The following SMIM14 variants were observed in gnomAD, a reference collection of about 807,000 sequenced individuals.
SMIM14 encodes small integral membrane protein 14.
A neutral mutation model predicts 12.6 loss-of-function variants in SMIM14; 5 were observed. The ratio of observed to expected loss-of-function variants is 0.40; its 90% CI spans 0.21 to 0.83. SMIM14 has a LOEUF of 0.83. SMIM14 is among the 40% of genes least tolerant of loss of function. The pLI, the probability that SMIM14 is intolerant of heterozygous loss-of-function variation, is 0.37. For synonymous variants in SMIM14, 30 were observed against 40.1 expected (o/e 0.75, Z 0.95); for missense variants, 86 against 119.1 (o/e 0.72, Z 1.29).
rs760993011 is a variant in SMIM14 at position 39,605,053 on chromosome 4, T to C, written c.75+18A>G. The C allele has an allele frequency of 4.1e-6, 6 of 1,464,206 alleles. No individual in the cohort carries two copies. The highest frequency in any genetic ancestry group is 1.7e-4 in the Middle Eastern group (1 of 5,800). The allele number at this position is 1,464,206 out of a possible 1,614,324, so 90.7% of individuals were successfully genotyped here. On this transcript the variant is annotated intron_variant, in intron 2 of 4. Transcript: ENST00000295958. ...GATACAGATCAGTTCAGAATAGGAT[T>C]GTCCTGTTGCATCTCACCAGATTGA...
chr4:39,627,941 C>T (rs999964279), intron 1 of SMIM14, among the ~76,000 whole-genome samples: 4 of 152,100 alleles, frequency 2.6e-5, no homozygotes, highest in Admixed American at 2.6e-4. Flanking sequence ...AATTTGAAAA[C>T]GTTTTCTAAA....
At position 39,619,612 on chromosome 4, in the gene SMIM14, C is replaced by A. The variant is rs1475652727; in HGVS notation, c.-35-14432G>T. 6.5e-5 allele frequency among the ~76,000 whole-genome samples: 5 copies of A among 76,714 alleles called. No individual in the cohort carries two copies. In the Admixed American group the frequency reaches 7.7e-4, roughly 12 times the overall value. The allele number at this position is 76,714 out of a possible 152,430, so 50.3% of individuals were successfully genotyped here. On this transcript the variant is annotated intron_variant, in intron 1 of 4. Transcript: ENST00000295958. Reference sequence around the variant, plus strand: ...AATAAATATAATTTATTCTATATATCAATAAATATAATTTATTCTATATAT... The same window carrying A: ...AATAAATATAATTTATTCTATATATAAATAAATATAATTTATTCTATATAT...
In SMIM14 at chr4:39,572,124, T is replaced by C. The variant is rs986198346; in HGVS notation, c.124+291A>G. On this transcript the variant is annotated intron_variant, in intron 3 of 4. Coordinates refer to ENST00000295958, the MANE Select transcript of SMIM14 (RefSeq NM_174921.3). ...CAGCCTTTTTTTTTCCTTATACTTA[T>C]TTTATAATGTTCTGCAATAAGCAGG... Among the ~76,000 whole-genome samples the C allele has an allele frequency of 3.9e-5, 6 of 151,984 alleles. No homozygotes were observed. Among genetic ancestry groups the C allele is most frequent in the South Asian group, 4.2e-4 (2 of 4,818 alleles).
intron 3 of SMIM14, among the ~76,000 whole-genome samples, chr4:39,562,773 C>T (rs1468853276): frequency 7.0e-6 from 1 of 142,486 alleles, no homozygotes; most frequent in Non-Finnish European, 1.5e-5. Flanking sequence ...TCCCAAAGTT[C>T]TGGAATTACA....
intron 2 of SMIM14, among the ~76,000 whole-genome samples, chr4:39,587,225 G>A (rs550440404): frequency 2.6e-5 from 4 of 151,746 alleles, no homozygotes; most frequent in Admixed American, 6.6e-5. Context: ...AGCCAGGCAC[G>A]GTGGCTCACG....
chr4:39,602,966 A>G (rs1714672992), intron 2 of SMIM14, among the ~76,000 whole-genome samples: 2 of 152,238 alleles, frequency 1.3e-5, no homozygotes, highest in Admixed American at 1.3e-4. Context: ...TTTTAAAACA[A>G]TAAAATGTTA....
At chr4:39,588,957 G>A (rs555987244) in intron 2 of SMIM14, among the ~76,000 whole-genome samples, 5 of 152,232 alleles carry the variant, frequency 3.3e-5, no homozygotes, top group South Asian at 4.1e-4. Flanking sequence ...GGAAAGGTCC[G>A]ATGGGCCTTA....
chr4:39,585,805 A>C (rs1713757760), intron 2 of SMIM14, among the ~76,000 whole-genome samples: 1 of 152,054 alleles, frequency 6.6e-6, no homozygotes, highest in Non-Finnish European at 1.5e-5. Flanking sequence ...GGCAGAGGCC[A>C]ACCGGTGTGC....
At chr4:39,573,462 G>A (rs537484150) in intron 2 of SMIM14, among the ~76,000 whole-genome samples, 1 of 152,204 alleles carries the variant, frequency 6.6e-6, no homozygotes, top group Non-Finnish European at 1.5e-5. Flanking sequence ...CACAAACACA[G>A]AATACTCTGA....
chr4:39,580,530 T>G (rs1395031339), intron 2 of SMIM14, among the ~76,000 whole-genome samples: 1 of 130,018 alleles, frequency 7.7e-6, no homozygotes, highest in Non-Finnish European at 1.5e-5. Context: ...TCTTTCTTTC[T>G]TTTTTTTTTT....
intron 1 of SMIM14, among the ~76,000 whole-genome samples, chr4:39,613,781 AC>A (rs1715117071): frequency 6.6e-6 from 1 of 152,236 alleles, no homozygotes; most frequent in African/African-American, 2.4e-5. Flanking sequence ...CAATGCTAAT[AC>A]CAAAGTCACG....
At chr4:39,574,182 C>CA (rs1477480972) in intron 2 of SMIM14, among the ~76,000 whole-genome samples, 2 of 150,908 alleles carry the variant, frequency 1.3e-5, no homozygotes, top group Non-Finnish European at 2.9e-5. Flanking sequence ...TTAGATGGTT[C>CA]AGCATGGCTC....
In SMIM14 at chr4:39,552,066, TC is replaced by T. The variant is rs1711746063; in HGVS notation, c.*59del. On this transcript the variant is annotated 3_prime_UTR_variant, in exon 5 of 5. Transcript: ENST00000295958. ...TCTAATGGGGTTAAGAGTACTCTGG[TC>T]ATCTTCGTTCGTTTGGTCGTGCAAG... 4 of 1,407,638 alleles carry T rather than the reference TC, an allele frequency of 2.8e-6. No individual in the cohort carries two copies. The highest frequency in any genetic ancestry group is 2.0e-5 in the Admixed American group (1 of 48,892). The allele number at this position is 1,407,638 out of a possible 1,614,324, so 87.2% of individuals were successfully genotyped here. A position where few individuals can be genotyped will look rare whatever the true frequency, so the allele number is the denominator to read the frequency against.
chr4:39,573,494 T>C (rs1044671220), intron 2 of SMIM14, among the ~76,000 whole-genome samples: 1 of 152,156 alleles, frequency 6.6e-6, no homozygotes, highest in Non-Finnish European at 1.5e-5. Flanking sequence ...CTTTTTTTCC[T>C]ACCCAAAATA....
At chr4:39,584,361 A>C (rs566465611) in intron 2 of SMIM14, among the ~76,000 whole-genome samples, 1 of 150,974 alleles carries the variant, frequency 6.6e-6, no homozygotes, top group South Asian at 2.1e-4. Flanking sequence ...GTGCACCTAT[A>C]ATCCCAGCTA....
chr4:39,594,881 G>T (rs1166225895), intron 2 of SMIM14, among the ~76,000 whole-genome samples: 32 of 151,420 alleles, frequency 2.1e-4, no homozygotes, highest in Admixed American at 6.6e-4. Context: ...TTAGAATGGC[G>T]ATCATTAAAA....
chr4:39,595,311 A>G (rs576111244), intron 2 of SMIM14, among the ~76,000 whole-genome samples: 16 of 147,572 alleles, frequency 1.1e-4, no homozygotes, highest in African/African-American at 4.0e-4. Context: ...AGAACAAAAA[A>G]CCAAACACCG....
At chr4:39,568,709 A>G (rs963782105) in intron 3 of SMIM14, among the ~76,000 whole-genome samples, 3 of 152,228 alleles carry the variant, frequency 2.0e-5, no homozygotes, top group Non-Finnish European at 4.4e-5. Flanking sequence ...GTATCTAAAT[A>G]TAAAGATAGC....
At chr4:39,613,199 C>A (rs1042312843) in intron 1 of SMIM14, among the ~76,000 whole-genome samples, 2 of 152,184 alleles carry the variant, frequency 1.3e-5, no homozygotes, top group African/African-American at 4.8e-5. Context: ...AGCCACAGCA[C>A]TCATAGAATA....
Sources: gnomAD v4.1 joint callset for allele counts (sites outside exome capture counted in the v4.1 genomes callset) on GRCh38, gnomAD v4.1.1 for gene constraint, MANE v1.5 for transcripts, NCBI Gene and HGNC (gene_info 2026-07-23, HGNC 2026-07-21) for gene names.